The following KIF2A variants were observed in gnomAD, a reference collection of about 807,000 sequenced individuals.
KIF2A encodes kinesin-like protein KIF2A.
In KIF2A, 22 loss-of-function variants were observed where a neutral mutation model predicts 100.2. The ratio of observed to expected loss-of-function variants is 0.22; its 90% CI spans 0.16 to 0.31. The LOEUF is 0.31. Among genes scored for constraint, KIF2A ranks in the 10% least tolerant of loss-of-function variants. KIF2A has a pLI of 1.00. For synonymous variants in KIF2A, 268 were observed against 285.9 expected (o/e 0.94, Z 0.63); for missense variants, 495 against 898.7 (o/e 0.55, Z 5.74).
At chr5:62,376,801 T>C (rs1012385346) in intron 18 of KIF2A, among the ~76,000 whole-genome samples, 4 of 152,264 alleles carry the variant, frequency 2.6e-5, no homozygotes, top group Non-Finnish European at 5.9e-5. Context: ...AGAGAAGCTC[T>C]GACTTGCTAT....
At chr5:62,320,436 T>G (rs1331514319) in intron 1 of KIF2A, among the ~76,000 whole-genome samples, 1 of 152,206 alleles carries the variant, frequency 6.6e-6, no homozygotes, top group East Asian at 1.9e-4. Flanking sequence ...CTGATTTGTC[T>G]TCCATAGATA....
At chr5:62,319,934 A>C (rs970043722) in intron 1 of KIF2A, among the ~76,000 whole-genome samples, 5 of 152,056 alleles carry the variant, frequency 3.3e-5, no homozygotes, top group African/African-American at 1.2e-4. Context: ...TCCTACCCCT[A>C]CCCCACAGCT....
At chr5:62,334,300 C>T (rs1746815902) in intron 1 of KIF2A, among the ~76,000 whole-genome samples, 1 of 151,966 alleles carries the variant, frequency 6.6e-6, no homozygotes, top group Admixed American at 6.6e-5. Context: ...TCATGATGCC[C>T]CAGGACTTTG....
chr5:62,320,859 T>C (rs1367822197), intron 1 of KIF2A, among the ~76,000 whole-genome samples: 1 of 152,132 alleles, frequency 6.6e-6, no homozygotes, highest in Non-Finnish European at 1.5e-5. Context: ...TGTACAATTA[T>C]TACCACTGTC....
intron 1 of KIF2A, among the ~76,000 whole-genome samples, chr5:62,326,638 T>C (rs946405119): frequency 1.3e-5 from 2 of 152,100 alleles, no homozygotes; most frequent in African/African-American, 4.8e-5. Flanking sequence ...TCAACAGTTA[T>C]TTTCTTTACT....
intron 9 of KIF2A, among the ~76,000 whole-genome samples, chr5:62,359,997 T>G (rs79137476): frequency 0.059 from 9,029 of 151,822 alleles, 670 homozygotes; most frequent in African/African-American, 0.18. Flanking sequence ...CTTTTTTTTT[T>G]TTTGTTTTTT....
At chr5:62,322,354 T>G (rs1746142689) in intron 1 of KIF2A, among the ~76,000 whole-genome samples, 1 of 152,244 alleles carries the variant, frequency 6.6e-6, no homozygotes, top group South Asian at 2.1e-4. Flanking sequence ...ATAGTATCCT[T>G]TGAAGCACAA....
At chr5:62,308,697 C>T (rs1267095484) in intron 1 of KIF2A, among the ~76,000 whole-genome samples, 1 of 152,118 alleles carries the variant, frequency 6.6e-6, no homozygotes, top group African/African-American at 2.4e-5. Flanking sequence ...TGCATAATCT[C>T]ACTCATATGT....
intron 19 of KIF2A, among the ~76,000 whole-genome samples, chr5:62,379,480 T>C (rs1741687657): frequency 6.6e-6 from 1 of 152,066 alleles, no homozygotes; most frequent in Non-Finnish European, 1.5e-5. Flanking sequence ...CTGACCAATA[T>C]GGAGAAACCC....
At chr5:62,357,233 A>G (rs1748159703) in intron 7 of KIF2A, among the ~76,000 whole-genome samples, 2 of 151,102 alleles carry the variant, frequency 1.3e-5, no homozygotes, top group Non-Finnish European at 2.9e-5. Flanking sequence ...ACAGGCATGC[A>G]CCACCACTCC....
At position 62,312,794 on chromosome 5, in the gene KIF2A, G is replaced by T. The variant is rs116387184; in HGVS notation, c.64+6258G>T. ...TTCCTTTTAAAAGTCATGCTTCTAG[G>T]CTGAGCATGGTAGTTCATGCCTGTA... On this transcript the variant is annotated intron_variant, in intron 1 of 20. Transcript: ENST00000407818. Among the ~76,000 whole-genome samples, 798 of 152,236 alleles carry T rather than the reference G, an allele frequency of 5.2e-3. 8 individuals carry two copies. Among genetic ancestry groups the T allele is most frequent in the African/African-American group, 0.018 (751 of 41,520 alleles).
chr5:62,350,460 G>A (rs756392928), intron 4 of KIF2A, among the ~76,000 whole-genome samples: 1 of 151,608 alleles, frequency 6.6e-6, no homozygotes, highest in Non-Finnish European at 1.5e-5. Flanking sequence ...TGATTTTTTA[G>A]TAGAGAGTCT....
intron 18 of KIF2A, 60 bp from the exon 19 acceptor site, chr5:62,377,601 A>G: frequency 1.1e-6 from 1 of 896,406 alleles, no homozygotes; most frequent in South Asian, 2.4e-5. Context: ...AAAAAAAACT[A>G]CTTTTATAAC....
At chr5:62,381,033 ATGTT>A in intron 19 of KIF2A, 81 bp from the exon 20 acceptor site, 1 of 953,770 alleles carries the variant, frequency 1.0e-6, no homozygotes, top group Non-Finnish European at 1.6e-6. Context: ...TATCTTAAGT[ATGTT>A]TGATTATATT....
intron 19 of KIF2A, among the ~76,000 whole-genome samples, chr5:62,380,173 C>A (rs1254275594): frequency 6.6e-6 from 1 of 152,134 alleles, no homozygotes; most frequent in African/African-American, 2.4e-5. Context: ...GGATTCCAGG[C>A]GTGAGCCACC....
chr5:62,344,920 T>C (rs560022017), intron 1 of KIF2A, among the ~76,000 whole-genome samples: 1 of 152,340 alleles, frequency 6.6e-6, no homozygotes, highest in South Asian at 2.1e-4. Flanking sequence ...CATTTATTAC[T>C]TATATGGATT....
intron 18 of KIF2A, among the ~76,000 whole-genome samples, chr5:62,374,841 C>T (rs527435972): frequency 1.3e-5 from 2 of 152,208 alleles, no homozygotes; most frequent in Non-Finnish European, 2.9e-5. Context: ...GGATGAAAAT[C>T]GCTTGAAACT....
intron 19 of KIF2A, among the ~76,000 whole-genome samples, chr5:62,380,564 G>GC (rs886148165): frequency 2.0e-5 from 3 of 152,000 alleles, no homozygotes; most frequent in Admixed American, 6.6e-5. Context: ...TAACTTTTGA[G>GC]CCCCCCTAAA....
At chr5:62,361,740 G>T (rs1748421758) in intron 11 of KIF2A, among the ~76,000 whole-genome samples, 1 of 150,732 alleles carries the variant, frequency 6.6e-6, no homozygotes, top group Admixed American at 6.6e-5. Flanking sequence ...AAGAACTGTA[G>T]GCTGGGTGTG....
Sources: gnomAD v4.1 joint callset for allele counts (sites outside exome capture counted in the v4.1 genomes callset) on GRCh38, gnomAD v4.1.1 for gene constraint, MANE v1.5 for transcripts, NCBI Gene and HGNC (gene_info 2026-07-23, HGNC 2026-07-21) for gene names.